IGSF21: variants seen among roughly 807,000 people sequenced by gnomAD.
IGSF21 encodes the protein immunoglobulin superfamily member 21.
IGSF21 carries 28 observed loss-of-function variants against 46.8 expected under a neutral mutation model. That is an observed-to-expected ratio of 0.60 (90% CI 0.44 to 0.82). The LOEUF (loss-of-function observed/expected upper bound fraction) is 0.82, where lower values mean the gene tolerates loss of function less well. Ranked by LOEUF, IGSF21 falls within the 40% of genes least tolerant of loss-of-function variation. The pLI is 0.00. For synonymous variants in IGSF21, 284 were observed against 273.6 expected, an observed-to-expected ratio of 1.04 and a Z score of -0.38; for missense variants, 624 against 665.5, an observed-to-expected ratio of 0.94 and a Z score of 0.69.
chr1:18,333,290 G>T (rs1013463911), intron 3 of IGSF21, among the ~76,000 whole-genome samples: 3 of 152,124 alleles, frequency 2.0e-5, no homozygotes, highest in African/African-American at 7.2e-5. Flanking sequence ...GCCAGAATAG[G>T]CTGGAACTCG....
Position 18,365,487 on chromosome 1 carries a change from G to T in IGSF21, c.805G>T (p.Val269Phe). 1.2e-6 allele frequency: 2 copies of T among 1,614,014 alleles called. No homozygotes were observed. The highest frequency in any genetic ancestry group is 1.7e-6 in the Non-Finnish European group (2 of 1,180,024). Reference protein sequence around the residue: ...QPTTENIPETVVSREFPRWVH... With the variant: ...QPTTENIPETFVSREFPRWVH... The stretch of plus-strand genomic sequence containing the variant: ...AACCACAGAGAACATACCAGAGACG[G>T]TCGTGAGCCGTGAGTTTCCCCGCTG... The change falls in exon 6 of 10, where the codon GTC (valine) becomes TTC (phenylalanine). Residue 269 changes from valine (V) to phenylalanine (F), a missense_variant. Physicochemically the swap from Val to Phe is conservative, Grantham distance 50. Coordinates refer to ENST00000251296, the MANE Select transcript of IGSF21 (RefSeq NM_032880.5). The surrounding 1 kb of genome is among the most constrained non-coding windows in gnomAD (Gnocchi z 4.8).
chr1:18,354,207 G>A (rs796786066), intron 4 of IGSF21, among the ~76,000 whole-genome samples: 7 of 152,312 alleles, frequency 4.6e-5, no homozygotes, highest in African/African-American at 1.7e-4. Flanking sequence ...AAAGGATGAG[G>A]TGGAGTTAAT....
intron 2 of IGSF21, among the ~76,000 whole-genome samples, chr1:18,239,192 G>A (rs558501822): frequency 3.9e-4 from 59 of 152,154 alleles, no homozygotes; most frequent in Middle Eastern, 3.4e-3. Context: ...ATGACAAAGG[G>A]GCTGACTTAA....
chr1:18,258,964 C>T (rs914311699), intron 2 of IGSF21, among the ~76,000 whole-genome samples: 1 of 152,210 alleles, frequency 6.6e-6, no homozygotes, highest in Admixed American at 6.5e-5. Flanking sequence ...GGCAAGGAGC[C>T]AGGTCCAGCC....
At chr1:18,283,242 G>T in intron 2 of IGSF21, among the ~76,000 whole-genome samples, 1 of 152,180 alleles carries the variant, frequency 6.6e-6, no homozygotes, top group East Asian at 1.9e-4. Context: ...TGTCAAAACC[G>T]GATCTCCCAC....
At chr1:18,159,522 G>A (rs566951403) in intron 1 of IGSF21, among the ~76,000 whole-genome samples, 42 of 152,240 alleles carry the variant, frequency 2.8e-4, no homozygotes, top group African/African-American at 8.9e-4. Flanking sequence ...AGATCTGATG[G>A]TTTTATAAGG....
rs547643569 is a variant in IGSF21 at position 18,341,529 on chromosome 1, C to T, written c.424+6519C>T. Among the ~76,000 whole-genome samples, 44 of 152,296 alleles carry T rather than the reference C, an allele frequency of 2.9e-4. No homozygotes were observed. In the South Asian group the frequency reaches 8.9e-3, roughly 31 times the overall value. ...GCTCCCAACCCCGTGGGTCACCCTTCGTTGGGCACTGACTAATATGCAGGC... is the reference window on the plus strand; with the variant it reads ...GCTCCCAACCCCGTGGGTCACCCTTTGTTGGGCACTGACTAATATGCAGGC... On this transcript the variant is annotated intron_variant, in intron 4 of 9. Coordinates refer to ENST00000251296, the MANE Select transcript of IGSF21 (RefSeq NM_032880.5).
chr1:18,108,142 C>G lies in IGSF21; in HGVS notation c.14C>G (p.Pro5Arg). Residue 5 changes from proline to arginine, a missense_variant, in exon 1 of 10, where the codon CCG (proline) becomes CGG (arginine). Transcript: ENST00000251296. ...CTCCCGGGCACCATGCGAACCGCCCCGAGCCTCCGCCGCTGCGTCTGCCTG... is the reference window on the plus strand; with the variant it reads ...CTCCCGGGCACCATGCGAACCGCCCGGAGCCTCCGCCGCTGCGTCTGCCTG... MRTA[P>R]SLRRCVCLLL... is the part of the protein sequence containing the mutation. 6.9e-7 allele frequency: 1 copy of G among 1,439,702 alleles called. No individual in the cohort carries two copies. Among genetic ancestry groups the G allele is most frequent in the Non-Finnish European group, 9.1e-7 (1 of 1,097,570 alleles). The allele number at this position is 1,439,702 out of a possible 1,614,324, so 89.2% of individuals were successfully genotyped here. A position where few individuals can be genotyped will look rare whatever the true frequency, so the allele number is the denominator to read the frequency against.
chr1:18,269,827 G>A (rs1446647704), intron 2 of IGSF21, among the ~76,000 whole-genome samples: 1 of 152,172 alleles, frequency 6.6e-6, no homozygotes, highest in Non-Finnish European at 1.5e-5. Flanking sequence ...GAAGGCAAGG[G>A]CAGCCACTGA....
chr1:18,377,935 G>A (rs1362542968), intron 9 of IGSF21, among the ~76,000 whole-genome samples: 1 of 152,114 alleles, frequency 6.6e-6, no homozygotes, highest in Non-Finnish European at 1.5e-5. Flanking sequence ...CACCACCCCA[G>A]GGGGCCCAGA....
intron 2 of IGSF21, among the ~76,000 whole-genome samples, chr1:18,265,370 C>T (rs919163081): frequency 2.0e-5 from 3 of 152,162 alleles, no homozygotes; most frequent in Non-Finnish European, 2.9e-5. Flanking sequence ...TCCAAGGGTT[C>T]GGGATGGTGG....
intron 2 of IGSF21, among the ~76,000 whole-genome samples, chr1:18,231,997 GC>G (rs1470261760): frequency 1.1e-4 from 16 of 149,022 alleles, no homozygotes; most frequent in African/African-American, 3.7e-4. Flanking sequence ...TGGTCATCAT[GC>G]TCAAATCACT....
chr1:18,134,036 C>T (rs574057998), intron 1 of IGSF21, among the ~76,000 whole-genome samples: 2 of 152,288 alleles, frequency 1.3e-5, no homozygotes, highest in African/African-American at 2.4e-5. Context: ...CAGCAGTGAG[C>T]AGCATGGGGA....
At chr1:18,153,623 A>G (rs1300213221) in intron 1 of IGSF21, among the ~76,000 whole-genome samples, 6 of 150,078 alleles carry the variant, frequency 4.0e-5, no homozygotes, top group Non-Finnish European at 8.9e-5. Flanking sequence ...TCACCATCCT[A>G]TGGACTTGGT....
intron 3 of IGSF21, among the ~76,000 whole-genome samples, chr1:18,323,258 C>T (rs2085622442): frequency 6.6e-6 from 1 of 152,132 alleles, no homozygotes; most frequent in South Asian, 2.1e-4. Flanking sequence ...AGTAAGGGAG[C>T]TTTCCATGGT....
chr1:18,265,258 C>T (rs223203), intron 2 of IGSF21, among the ~76,000 whole-genome samples: 44,927 of 151,988 alleles, frequency 0.3, 6,914 homozygotes, highest in Middle Eastern at 0.39. Context: ...AGTGATTACA[C>T]AGTGATTCTT....
intron 2 of IGSF21, among the ~76,000 whole-genome samples, chr1:18,271,637 G>A (rs904938924): frequency 6.6e-6 from 1 of 152,194 alleles, no homozygotes; most frequent in Non-Finnish European, 1.5e-5. Context: ...GGCACCCCAG[G>A]GAGGCAGGAA....
At chr1:18,142,107 C>A (rs1278476050) in intron 1 of IGSF21, among the ~76,000 whole-genome samples, 3 of 152,136 alleles carry the variant, frequency 2.0e-5, no homozygotes, top group Non-Finnish European at 4.4e-5. Context: ...TAAAATAAAG[C>A]ACAGTTTGGA....
chr1:18,348,463 G>A lies in IGSF21; in HGVS notation c.424+13453G>A, dbSNP rs372110959. Among the ~76,000 whole-genome samples, 86 of 152,330 alleles carry A rather than the reference G, an allele frequency of 5.6e-4. 2 individuals carry two copies. In the South Asian group the frequency reaches 0.018, roughly 31 times the overall value. On this transcript the variant is annotated intron_variant, in intron 4 of 9. Transcript: ENST00000251296. ...CATCATTAAACCTTGACAAGTGTGA[G>A]GTCAGTACGATGCTTTATCCTCTCC...
Sources: allele counts gnomAD v4.1 joint callset (sites outside exome capture counted in the v4.1 genomes callset), GRCh38; gene constraint gnomAD v4.1.1; non-coding constraint Gnocchi (gnomAD v3.1); transcripts MANE v1.5; gene names NCBI Gene and HGNC (gene_info 2026-07-23, HGNC 2026-07-21).